The following THUMPD2 variants were observed in gnomAD, a reference collection of about 807,000 sequenced individuals.
The protein encoded by THUMPD2 is U6 snRNA (guanine-N(2))-methyltransferase THUMPD2.
A neutral mutation model predicts 49.4 loss-of-function variants in THUMPD2; 56 were observed. The observed-to-expected ratio is 1.13, with a 90% CI of 0.91 to 1.41. The LOEUF (loss-of-function observed/expected upper bound fraction) is 1.41, where lower values mean the gene tolerates loss of function less well. Among genes scored for constraint, THUMPD2 ranks in the 40% most tolerant of loss-of-function variants. The probability of loss-of-function intolerance (pLI) is 0.00; values close to 1 mark genes in which losing one functional copy is unlikely to be tolerated. For missense variants in THUMPD2, 709 were observed against 594.5 expected, an observed-to-expected ratio of 1.19 and a Z score of -2.00; for synonymous variants, 237 against 205.2, an observed-to-expected ratio of 1.15 and a Z score of -1.32.
intron 5 of THUMPD2, among the ~76,000 whole-genome samples, chr2:39,761,826 C>CT (rs1676862339): frequency 6.6e-6 from 1 of 152,150 alleles, no homozygotes; most frequent in African/African-American, 2.4e-5. Flanking sequence ...TGAAGGGATG[C>CT]TAACCCTTAA....
At chr2:39,754,884 T>G (rs1003993200) in intron 8 of THUMPD2, among the ~76,000 whole-genome samples, 1 of 152,240 alleles carries the variant, frequency 6.6e-6, no homozygotes, top group African/African-American at 2.4e-5. Context: ...TCACGGATAC[T>G]GTCTAATGTG....
At chr2:39,772,030 A>G (rs1446001070) in intron 1 of THUMPD2, among the ~76,000 whole-genome samples, 1 of 152,212 alleles carries the variant, frequency 6.6e-6, no homozygotes, top group Non-Finnish European at 1.5e-5. Context: ...CTTGAATTAA[A>G]TCCAGAAGAA....
chr2:39,739,485 C>T (rs577823893), intron 9 of THUMPD2, among the ~76,000 whole-genome samples: 108 of 152,294 alleles, frequency 7.1e-4, no homozygotes, highest in Non-Finnish European at 1.3e-3. Flanking sequence ...TAAAGCAAAA[C>T]ATTTTGTTTT....
chr2:39,744,280 A>G, intron 9 of THUMPD2, 90 bp downstream of exon 9: 1 of 649,876 alleles, frequency 1.5e-6, no homozygotes, highest in Non-Finnish European at 2.5e-6. Flanking sequence ...ATTGCTAAAA[A>G]GCAATCAGAC....
At chr2:39,769,182 C>T in intron 3 of THUMPD2, 1 of 989,064 alleles carries the variant, frequency 1.0e-6, no homozygotes, top group South Asian at 1.7e-5. Context: ...TTTCCAAATA[C>T]AAAGGACATC....
At chr2:39,752,431 G>A (rs1397474935) in intron 8 of THUMPD2, among the ~76,000 whole-genome samples, 3 of 152,142 alleles carry the variant, frequency 2.0e-5, no homozygotes, top group Non-Finnish European at 4.4e-5. Flanking sequence ...CCTTAAACAA[G>A]GGATTCACAT....
intron 1 of THUMPD2, among the ~76,000 whole-genome samples, chr2:39,773,703 C>A (rs903192729): frequency 6.7e-6 from 1 of 150,314 alleles, no homozygotes; most frequent in African/African-American, 2.4e-5. Context: ...TTAAGAGGAC[C>A]CAAAAAGTTT....
intron 8 of THUMPD2, among the ~76,000 whole-genome samples, chr2:39,746,636 G>GA (rs199682353): frequency 6.6e-6 from 1 of 151,008 alleles, no homozygotes; most frequent in African/African-American, 2.4e-5. Context: ...TCAAGAACAT[G>GA]AAAAAAAAAT....
chr2:39,768,486 T>G lies in THUMPD2; in HGVS notation c.688A>C (p.Ile230Leu), dbSNP rs1432124033. 6.2e-7 allele frequency: 1 copy of G among 1,612,502 alleles called. No individual in the cohort carries two copies. The highest frequency in any genetic ancestry group is 8.5e-7 in the Non-Finnish European group (1 of 1,179,424). The stretch of plus-strand genomic sequence containing the variant: ...AAGTGTTTCATAATAGCAATTCCAA[T>G]TACTTTTCCTACCTCCTGGAAAAGT... ...AFTAQEVGKV[I>L]GIAIMKHFGW... The change falls in exon 4 of 10, where the codon ATT becomes CTT. Residue 230 changes from isoleucine to leucine, a missense_variant. Coordinates refer to ENST00000505747, the MANE Select transcript of THUMPD2 (RefSeq NM_025264.5).
intron 4 of THUMPD2, among the ~76,000 whole-genome samples, chr2:39,768,209 C>CT (rs936871717): frequency 5.9e-4 from 90 of 152,112 alleles, no homozygotes; most frequent in African/African-American, 2.2e-3. Context: ...TCCAAAAAAT[C>CT]TTTTTTTGGA....
chr2:39,760,771 A>G (rs1676718228), intron 6 of THUMPD2, among the ~76,000 whole-genome samples: 1 of 152,212 alleles, frequency 6.6e-6, no homozygotes, highest in Non-Finnish European at 1.5e-5. Context: ...ACAAAAAGGC[A>G]CACTTCACAA....
intron 6 of THUMPD2, 26 bp downstream of exon 6, chr2:39,761,305 A>C (rs1158858161): frequency 2.5e-6 from 4 of 1,602,424 alleles, no homozygotes; most frequent in Non-Finnish European, 1.7e-6. Flanking sequence ...CCTTGCTATT[A>C]ACAGGAAGGA....
chr2:39,737,147 A>T, intron 9 of THUMPD2, 88 bp from the exon 10 acceptor site: 1 of 1,232,744 alleles, frequency 8.1e-7, no homozygotes, highest in Non-Finnish European at 1.1e-6. Flanking sequence ...TCATGTTTTT[A>T]ATTTGAAATT....
intron 6 of THUMPD2, among the ~76,000 whole-genome samples, chr2:39,761,101 G>A (rs1460610622): frequency 1.3e-5 from 2 of 152,064 alleles, no homozygotes; most frequent in African/African-American, 2.4e-5. Flanking sequence ...ATGAAATGTA[G>A]CTAACTTTTG....
At chr2:39,755,820 T>C in intron 7 of THUMPD2, 69 bp downstream of exon 7, 7 of 1,255,080 alleles carry the variant, frequency 5.6e-6, no homozygotes, top group Non-Finnish European at 8.1e-6. Context: ...TTGTAAATAA[T>C]TGGTGATTAT....
chr2:39,746,168 A>C (rs547589262), intron 8 of THUMPD2, among the ~76,000 whole-genome samples: 17 of 152,182 alleles, frequency 1.1e-4, no homozygotes, highest in Non-Finnish European at 2.4e-4. Context: ...GCCAGGTGGA[A>C]ACCAGTGCGC....
intron 9 of THUMPD2, among the ~76,000 whole-genome samples, chr2:39,738,327 C>T (rs140929713): frequency 3.4e-4 from 52 of 152,240 alleles, no homozygotes; most frequent in African/African-American, 1.3e-3. Context: ...TTTTGGGAGG[C>T]TCAGGTGGGA....
At chr2:39,748,380 T>C (rs1674886910) in intron 8 of THUMPD2, among the ~76,000 whole-genome samples, 1 of 152,130 alleles carries the variant, frequency 6.6e-6, no homozygotes, top group Non-Finnish European at 1.5e-5. Context: ...TCAACACAAA[T>C]AGTTTGCAGT....
intron 1 of THUMPD2, among the ~76,000 whole-genome samples, chr2:39,773,130 T>G (rs1358985454): frequency 6.6e-6 from 1 of 152,206 alleles, no homozygotes; most frequent in African/African-American, 2.4e-5. Context: ...ATTTACTTCT[T>G]TCTCATTACA....
Sources: allele counts gnomAD v4.1 joint callset (sites outside exome capture counted in the v4.1 genomes callset), GRCh38; gene constraint gnomAD v4.1.1; transcripts MANE v1.5; gene names NCBI Gene and HGNC (gene_info 2026-07-23, HGNC 2026-07-21).